Variants in ST6GALNAC5 observed in about 807,000 individuals in gnomAD.
ST6GALNAC5 encodes alpha-N-acetylgalactosaminide alpha-2,6-sialyltransferase 5.
In ST6GALNAC5, 27 loss-of-function variants were observed where a neutral mutation model predicts 33.6. That is an observed-to-expected ratio of 0.80 (90% CI 0.59 to 1.11). The LOEUF is 1.11. ST6GALNAC5 is among the 50% of genes least tolerant of loss of function. The pLI, the probability that ST6GALNAC5 is intolerant of heterozygous loss-of-function variation, is 0.00. For missense variants in ST6GALNAC5, 428 were observed against 454.0 expected (o/e 0.94, Z 0.52); for synonymous variants, 194 against 171.2 (o/e 1.13, Z -1.04).
intron 2 of ST6GALNAC5, among the ~76,000 whole-genome samples, chr1:76,897,562 G>A (rs535197459): frequency 2.0e-5 from 3 of 152,140 alleles, no homozygotes; most frequent in Non-Finnish European, 4.4e-5. Flanking sequence ...GAGATGGTAA[G>A]GAGTGTGTGA....
intron 2 of ST6GALNAC5, among the ~76,000 whole-genome samples, chr1:76,966,098 T>A (rs1648463454): frequency 1.3e-5 from 2 of 152,348 alleles, no homozygotes; most frequent in African/African-American, 4.8e-5. Flanking sequence ...GGGCTCCTTT[T>A]TGGATCCATA....
intron 4 of ST6GALNAC5, among the ~76,000 whole-genome samples, chr1:77,057,917 T>C (rs1437940715): frequency 6.6e-6 from 1 of 152,202 alleles, no homozygotes; most frequent in Admixed American, 6.5e-5. Flanking sequence ...TACAAACCCC[T>C]GTTGCCATTA....
chr1:77,031,138 A>T (rs1432332342), intron 2 of ST6GALNAC5, among the ~76,000 whole-genome samples: 1 of 152,218 alleles, frequency 6.6e-6, no homozygotes, highest in East Asian at 1.9e-4. Flanking sequence ...GTCCCTCCCC[A>T]GTGGGTACAT....
chr1:77,061,630 G>A (rs1221053452), intron 4 of ST6GALNAC5, among the ~76,000 whole-genome samples: 1 of 152,288 alleles, frequency 6.6e-6, no homozygotes, highest in African/African-American at 2.4e-5. Context: ...GCTCAAATTA[G>A]GAAAGTTTGT....
At position 76,867,545 on chromosome 1, in the gene ST6GALNAC5, G is replaced by C. The variant is rs539172474; in HGVS notation, c.-131G>C. The C allele has an allele frequency of 2.0e-5, 29 of 1,476,066 alleles. No individual in the cohort carries two copies. In the East Asian group the frequency reaches 3.8e-4, roughly 20 times the overall value. 91.4% of individuals were successfully genotyped at this position (1,476,066 alleles called of 1,614,324 possible). ...CCCGGGTCCCGCGGCTCCCGCGCGC[G>C]ATCTGCCGCGGCCGGCTGCTGGGCA... On this transcript the variant is annotated 5_prime_UTR_variant, in exon 1 of 5. Transcript: ENST00000477717.
chr1:76,917,348 G>A (rs1383678777), intron 2 of ST6GALNAC5, among the ~76,000 whole-genome samples: 1 of 152,078 alleles, frequency 6.6e-6, no homozygotes, highest in East Asian at 1.9e-4. Context: ...ATTAAACATT[G>A]CTAAACTCAA....
At chr1:77,052,387 C>T (rs1000763640) in intron 4 of ST6GALNAC5, among the ~76,000 whole-genome samples, 8 of 152,056 alleles carry the variant, frequency 5.3e-5, no homozygotes, top group African/African-American at 1.9e-4. Context: ...CATCCAGTTT[C>T]GACTTGTTGG....
In ST6GALNAC5 at chr1:77,028,286, G is replaced by A. The variant is rs114173309; in HGVS notation, c.262-15918G>A. 1.4e-3 allele frequency among the ~76,000 whole-genome samples: 218 copies of A among 152,198 alleles called. 1 individual carries two copies. The highest frequency in any genetic ancestry group is 4.8e-3 in the African/African-American group (198 of 41,510). On this transcript the variant is annotated intron_variant, in intron 2 of 4. Transcript: ENST00000477717. ...CACTAAGTCTTGCACCTGAAAAACC[G>A]AAACAAAACTTCCTAGCAAATCAGG...
At chr1:76,983,366 A>C (rs1045929023) in intron 2 of ST6GALNAC5, among the ~76,000 whole-genome samples, 1 of 152,284 alleles carries the variant, frequency 6.6e-6, no homozygotes, top group African/African-American at 2.4e-5. Flanking sequence ...TTGCAATCCT[A>C]GTCTCTGATA....
In ST6GALNAC5 at chr1:76,868,565, C is replaced by T; in HGVS notation, c.84C>T (p.Ser28=). 6.2e-7 allele frequency: 1 copy of T among 1,613,268 alleles called. No homozygotes were observed. Among genetic ancestry groups the T allele is most frequent in the Non-Finnish European group, 8.5e-7 (1 of 1,179,624 alleles). ...CCAGCTTGTTGCTAGTGTACAGCAG[C>T]CTCGGCGGCCAGAAGGAGCGGCCCC... ...MCTSLLLVYS[S]LGGQKERPPQ... The change falls in exon 2 of 5, where the codon AGC becomes AGT. Residue 28 remains serine, a synonymous_variant. Coordinates refer to ENST00000477717, the MANE Select transcript of ST6GALNAC5 (RefSeq NM_030965.3). This position sits in a 1 kb window ranked among gnomAD's most constrained non-coding sequence, Gnocchi z 4.3.
intron 2 of ST6GALNAC5, among the ~76,000 whole-genome samples, chr1:77,006,373 G>C (rs559999004): frequency 1.7e-3 from 251 of 145,694 alleles, no homozygotes; most frequent in Admixed American, 3.0e-3. Flanking sequence ...TGTCACCCAG[G>C]TGTGATCTCG....
chr1:77,037,129 A>C (rs1310840220), intron 2 of ST6GALNAC5, among the ~76,000 whole-genome samples: 1 of 152,214 alleles, frequency 6.6e-6, no homozygotes, highest in Non-Finnish European at 1.5e-5. Context: ...TGATGCTGAA[A>C]GGATACACAA....
chr1:76,960,682 T>A (rs969847399), intron 2 of ST6GALNAC5, among the ~76,000 whole-genome samples: 1 of 152,154 alleles, frequency 6.6e-6, no homozygotes, highest in Non-Finnish European at 1.5e-5. Context: ...CAGGGATGCA[T>A]TCTCTTTCTC....
chr1:77,017,503 G>T (rs1000946607), intron 2 of ST6GALNAC5, among the ~76,000 whole-genome samples: 1 of 152,158 alleles, frequency 6.6e-6, no homozygotes, highest in Non-Finnish European at 1.5e-5. Context: ...CTGCTGCTCC[G>T]CTCTGCATGA....
intron 2 of ST6GALNAC5, among the ~76,000 whole-genome samples, chr1:76,895,940 A>G (rs1223685252): frequency 6.6e-6 from 1 of 152,204 alleles, no homozygotes; most frequent in Non-Finnish European, 1.5e-5. Context: ...AAGTGGTAAA[A>G]GTATCATCCA....
At chr1:76,914,466 C>G (rs1268627734) in intron 2 of ST6GALNAC5, among the ~76,000 whole-genome samples, 2 of 152,314 alleles carry the variant, frequency 1.3e-5, no homozygotes, top group East Asian at 1.9e-4. Flanking sequence ...GTAACCAAAA[C>G]AGCATGGTAC....
chr1:76,888,404 C>G (rs556653505), intron 2 of ST6GALNAC5, among the ~76,000 whole-genome samples: 1 of 152,210 alleles, frequency 6.6e-6, no homozygotes, highest in African/African-American at 2.4e-5. Context: ...GGGTCTCTCT[C>G]ATCTGATATT....
intron 2 of ST6GALNAC5, among the ~76,000 whole-genome samples, chr1:76,973,885 T>C (rs1431107659): frequency 7.5e-6 from 1 of 133,408 alleles, no homozygotes; most frequent in East Asian, 2.1e-4. Flanking sequence ...TTTAGATATC[T>C]TTCCAAGTTT....
At chr1:76,913,530 A>G (rs1488774061) in intron 2 of ST6GALNAC5, among the ~76,000 whole-genome samples, 5 of 151,966 alleles carry the variant, frequency 3.3e-5, no homozygotes, top group African/African-American at 1.2e-4. Context: ...ACTTGGTTCC[A>G]TTCTCCCCGT....
Sources: gnomAD v4.1 joint callset for allele counts (sites outside exome capture counted in the v4.1 genomes callset) on GRCh38, gnomAD v4.1.1 for gene constraint, Gnocchi (gnomAD v3.1) non-coding constraint, MANE v1.5 for transcripts, NCBI Gene and HGNC (gene_info 2026-07-23, HGNC 2026-07-21) for gene names.